LSP1: variants seen among roughly 807,000 people sequenced by gnomAD.
LSP1 encodes the protein lymphocyte specific protein 1.
LSP1 carries 32 observed loss-of-function variants against 49.3 expected under a neutral mutation model. The observed-to-expected ratio is 0.65, with a 90% CI of 0.49 to 0.87. The LOEUF (loss-of-function observed/expected upper bound fraction) is 0.87, where lower values mean the gene tolerates loss of function less well. LSP1 is among the 40% of genes least tolerant of loss of function. The probability of loss-of-function intolerance (pLI) is 0.00; values close to 1 mark genes in which losing one functional copy is unlikely to be tolerated. For synonymous variants in LSP1, 179 were observed against 178.8 expected, an observed-to-expected ratio of 1.00 and a Z score of -0.01; for missense variants, 428 against 442.6, an observed-to-expected ratio of 0.97 and a Z score of 0.30.
At chr11:1,866,425 C>A (rs1172267385) in intron 1 of LSP1, 1 of 1,437,034 alleles carries the variant, frequency 7.0e-7, no homozygotes. Flanking sequence ...CAGCCCGGCT[C>A]ACCCCTCCTC....
At chr11:1,854,474 G>A (rs958790811) in intron 1 of LSP1, among the ~76,000 whole-genome samples, 4 of 152,206 alleles carry the variant, frequency 2.6e-5, no homozygotes, top group Non-Finnish European at 5.9e-5. Context: ...CTGTGTCTGT[G>A]TCCTTGGTGG....
intron 1 of LSP1, chr11:1,870,229 T>G: frequency 1.6e-6 from 2 of 1,277,266 alleles, no homozygotes; most frequent in Non-Finnish European, 2.1e-6. Flanking sequence ...CACGGCCCAC[T>G]GAAGCTGGTC....
chr11:1,856,085 G>T (rs111555378), intron 1 of LSP1, among the ~76,000 whole-genome samples: 1 of 152,104 alleles, frequency 6.6e-6, no homozygotes, highest in African/African-American at 2.4e-5. Flanking sequence ...ACCCGCCCAG[G>T]CGTGCCCACC....
rs558942157 is a variant in LSP1, at chr11:1,870,146, C to T, written c.54-9941C>T. The T allele has an allele frequency of 9.1e-5, 54 of 596,392 alleles. No homozygotes were observed. In the Admixed American group the frequency reaches 1.2e-3, roughly 14 times the overall value. 36.9% of individuals were successfully genotyped at this position (596,392 alleles called of 1,614,324 possible). ...CCTCTTTAAACGGGGATGTCTGGACCTCTGGTGCAGAGGACCAAGGCCGGT... is the reference window on the plus strand; with the variant it reads ...CCTCTTTAAACGGGGATGTCTGGACTTCTGGTGCAGAGGACCAAGGCCGGT... On this transcript the variant is annotated intron_variant, in intron 1 of 10. Transcript: ENST00000311604.
chr11:1,855,611 G>T (rs184244137), intron 1 of LSP1, among the ~76,000 whole-genome samples: 1 of 152,200 alleles, frequency 6.6e-6, no homozygotes, highest in African/African-American at 2.4e-5. Context: ...GAGGCCTCAG[G>T]CCAAAGAAGG....
At chr11:1,877,767 C>T (rs930369614) in intron 1 of LSP1, among the ~76,000 whole-genome samples, 6 of 152,194 alleles carry the variant, frequency 3.9e-5, no homozygotes, top group Admixed American at 1.3e-4. Context: ...GTGGCTGGAG[C>T]GTGGGCTCGT....
In LSP1 at chr11:1,884,709, C is replaced by A; in HGVS notation, c.717+128C>A. On this transcript the variant is annotated intron_variant, in intron 7 of 10. Coordinates refer to ENST00000311604, the MANE Select transcript of LSP1 (RefSeq NM_002339.3). This position sits in a 1 kb window ranked among gnomAD's most constrained non-coding sequence, Gnocchi z 4.1. Reference sequence around the variant, plus strand: ...CCAACACCCTATCCAACCAATGCTTCTCCATCCAGTCAGTGCCCCTCTACC... The same window carrying A: ...CCAACACCCTATCCAACCAATGCTTATCCATCCAGTCAGTGCCCCTCTACC... The A allele has an allele frequency of 1.4e-6, 1 of 734,194 alleles. No individual in the cohort carries two copies. Among genetic ancestry groups the A allele is most frequent in the Non-Finnish European group, 2.3e-6 (1 of 429,768 alleles). 45.5% of individuals were successfully genotyped at this position (734,194 alleles called of 1,614,324 possible). A position where few individuals can be genotyped will look rare whatever the true frequency, so the allele number is the denominator to read the frequency against.
intron 1 of LSP1, among the ~76,000 whole-genome samples, chr11:1,856,933 C>T (rs1382498988): frequency 6.6e-6 from 1 of 152,240 alleles, no homozygotes; most frequent in Non-Finnish European, 1.5e-5. Context: ...AGCCCCAGCC[C>T]TAGCCCCACA....
chr11:1,867,576 G>A (rs894763984), intron 1 of LSP1, among the ~76,000 whole-genome samples: 3 of 152,082 alleles, frequency 2.0e-5, no homozygotes, highest in East Asian at 1.9e-4. Context: ...CGGGCATGAT[G>A]AGCCCGGGTC....
chr11:1,865,596 G>A (rs1257847225), intron 1 of LSP1, among the ~76,000 whole-genome samples: 2 of 142,972 alleles, frequency 1.4e-5, no homozygotes, highest in Non-Finnish European at 3.0e-5. Flanking sequence ...CTGCACCGCC[G>A]GCTGCACTGT....
At chr11:1,870,013 G>A (rs1035128066) in intron 1 of LSP1, 1 of 392,044 alleles carries the variant, frequency 2.6e-6, no homozygotes, top group Non-Finnish European at 5.3e-6. Context: ...AGACGTGAGA[G>A]GTGCACCTCC....
Position 1,882,674 on chromosome 11 carries a change from C to G in LSP1, c.357-745C>G, listed in dbSNP as rs983515421. On this transcript the variant is annotated intron_variant, in intron 3 of 10. Coordinates refer to ENST00000311604, the MANE Select transcript of LSP1 (RefSeq NM_002339.3). ...CCAGCTCTGCGGCCGCCACCCCACC[C>G]CCTGCACCTGCCTGGCTGCACAGAC... 1.7e-4 allele frequency among the ~76,000 whole-genome samples: 26 copies of G among 152,212 alleles called. 2 individuals are homozygous for G. The highest frequency in any genetic ancestry group is 8.8e-5 in the Non-Finnish European group (6 of 68,026).
chr11:1,881,162 T>A (rs979625053), intron 2 of LSP1: 2 of 377,938 alleles, frequency 5.3e-6, no homozygotes, highest in Non-Finnish European at 9.6e-6. Flanking sequence ...CCCAGGCTGA[T>A]GGAGGAGGCA....
chr11:1,874,884 G>C (rs921557090), intron 1 of LSP1, among the ~76,000 whole-genome samples: 4 of 152,146 alleles, frequency 2.6e-5, no homozygotes, highest in Non-Finnish European at 4.4e-5. Flanking sequence ...ACAAAGGGCT[G>C]CCACTGTGAG....
intron 1 of LSP1, among the ~76,000 whole-genome samples, chr11:1,867,302 C>T (rs898466985): frequency 6.6e-5 from 10 of 152,124 alleles, no homozygotes; most frequent in African/African-American, 2.2e-4. Context: ...TACACACCCC[C>T]TCCAGGACAC....
intron 1 of LSP1, chr11:1,870,913 G>A (rs530625571): frequency 4.8e-5 from 47 of 985,918 alleles, no homozygotes; most frequent in African/African-American, 2.1e-4. Context: ...CCCAGGCGCC[G>A]CAGCGCTCCC....
chr11:1,871,556 T>C, intron 1 of LSP1: 2 of 850,768 alleles, frequency 2.4e-6, no homozygotes, highest in South Asian at 5.3e-5. Flanking sequence ...GAAACCAGGC[T>C]CCATTTTCCA....
chr11:1,870,910 G>A (rs1270240318), intron 1 of LSP1: 5 of 985,768 alleles, frequency 5.1e-6, no homozygotes, highest in East Asian at 1.1e-4. Flanking sequence ...TGGCCCAGGC[G>A]CCGCAGCGCT....
intron 1 of LSP1, chr11:1,859,412 G>C (rs1847566413): frequency 6.5e-6 from 1 of 153,016 alleles, no homozygotes; most frequent in South Asian, 2.1e-4. Flanking sequence ...TTCTGCTCCA[G>C]AGAAGAGCAC....
Sources: gnomAD v4.1 joint callset for allele counts (sites outside exome capture counted in the v4.1 genomes callset) on GRCh38, gnomAD v4.1.1 for gene constraint, Gnocchi (gnomAD v3.1) non-coding constraint, MANE v1.5 for transcripts, NCBI Gene and HGNC (gene_info 2026-07-23, HGNC 2026-07-21) for gene names.